Variants in MYH11 observed in about 807,000 individuals in gnomAD.
MYH11 encodes myosin heavy chain 11.
In MYH11, 80 loss-of-function variants were observed where a neutral mutation model predicts 246.6. That is an observed-to-expected ratio of 0.32 (90% CI 0.27 to 0.39). MYH11 has a LOEUF of 0.39. MYH11 is among the 10% of genes least tolerant of loss of function. The pLI, the probability that MYH11 is intolerant of heterozygous loss-of-function variation, is 1.00. For missense variants in MYH11, 2,158 were observed against 2,546.8 expected, an observed-to-expected ratio of 0.85 and a Z score of 3.29; for synonymous variants, 1,071 against 1,015.5, an observed-to-expected ratio of 1.05 and a Z score of -1.04.
At chr16:15,818,516 T>C (rs1201887487) in intron 3 of MYH11, among the ~76,000 whole-genome samples, 1 of 152,168 alleles carries the variant, frequency 6.6e-6, no homozygotes, top group Non-Finnish European at 1.5e-5. Flanking sequence ...CACTGCAAGC[T>C]CCGCCTCTTG....
At chr16:15,831,255 T>C (rs986210001) in intron 2 of MYH11, among the ~76,000 whole-genome samples, 4 of 152,106 alleles carry the variant, frequency 2.6e-5, no homozygotes, top group African/African-American at 9.7e-5. Flanking sequence ...GAAGGGGAAC[T>C]GGAAGGGCGA....
chr16:15,772,085 CTCT>C (rs2042114820), intron 8 of MYH11, among the ~76,000 whole-genome samples: 1 of 133,624 alleles, frequency 7.5e-6, no homozygotes, highest in African/African-American at 2.6e-5. Flanking sequence ...TCAACCTTTA[CTCT>C]TTTTTTTTTT....
At chr16:15,718,558 TGGAGAAGATTA>T in intron 36 of MYH11, 120 bp from the exon 37 acceptor site, 1 of 1,397,076 alleles carries the variant, frequency 7.2e-7, no homozygotes, top group African/African-American at 1.4e-5. Flanking sequence ...AACTGAGGCT[TGGAGAAGATTA>T]GAAGACTCAT....
At chr16:15,734,380 C>T (rs754046669) in intron 26 of MYH11, among the ~76,000 whole-genome samples, 7 of 152,098 alleles carry the variant, frequency 4.6e-5, no homozygotes, top group Non-Finnish European at 1.0e-4. Context: ...CTCACTGCAA[C>T]CTCTGCCTCC....
Position 15,714,940 on chromosome 16 carries a change from G to A in MYH11, c.5755C>T (p.Arg1919Cys), listed in dbSNP as rs750085824. 3.1e-6 allele frequency: 5 copies of A among 1,613,908 alleles called. No individual in the cohort carries two copies. The highest frequency in any genetic ancestry group is 1.6e-4 in the Middle Eastern group (1 of 6,068). ...EATESNEAMG[R>C]EVNALKSKLR... Reference sequence around the variant, plus strand: ...TTGCTCTTGAGTGCGTTCACCTCGCGGCCCATGGCCTCGTTGCTCTCCGTG... The same window carrying A: ...TTGCTCTTGAGTGCGTTCACCTCGCAGCCCATGGCCTCGTTGCTCTCCGTG... Residue 1919 changes from arginine (R) to cysteine (C), a missense_variant, in exon 40 of 41, where the codon CGC becomes TGC. Arg to Cys is a radical substitution (Grantham distance 180). Around this residue, in one of 11 missense-constraint regions of MYH11, gnomAD observed 1,013 missense variants for 993.5 expected, o/e 1.02. Coordinates refer to ENST00000300036, the MANE Select transcript of MYH11 (RefSeq NM_002474.3).
chr16:15,735,611 C>G, intron 25 of MYH11, 33 bp from the exon 26 acceptor site: 1 of 1,612,430 alleles, frequency 6.2e-7, no homozygotes, highest in South Asian at 1.1e-5. Context: ...AATGAACCCC[C>G]AGGTCCCTTG....
At chr16:15,754,351 TCAAA>T (rs1414808171) in intron 14 of MYH11, among the ~76,000 whole-genome samples, 1 of 152,182 alleles carries the variant, frequency 6.6e-6, no homozygotes, top group Non-Finnish European at 1.5e-5. Flanking sequence ...CATTCCTGAC[TCAAA>T]CAATGACAAT....
rs568465494 is a variant in MYH11, at chr16:15,829,619, T to C, written c.346-6208A>G. On this transcript the variant is annotated intron_variant, in intron 2 of 40. Transcript: ENST00000300036. Reference sequence around the variant, plus strand: ...CAGAGGTTTCAACATCCCAGCCTCCTGTGTCCCAGCCGGCATCTCATGGGC... The same window carrying C: ...CAGAGGTTTCAACATCCCAGCCTCCCGTGTCCCAGCCGGCATCTCATGGGC... Among the ~76,000 whole-genome samples the C allele has an allele frequency of 8.5e-5, 13 of 152,304 alleles. No homozygotes were observed. The East Asian group carries it at 2.5e-3, about 29-fold the overall frequency.
intron 40 of MYH11, among the ~76,000 whole-genome samples, chr16:15,710,652 T>G (rs1195405502): frequency 6.6e-6 from 1 of 151,404 alleles, no homozygotes; most frequent in Non-Finnish European, 1.5e-5. Flanking sequence ...GGGGGACTGG[T>G]TGCCAGCAGA....
At position 15,735,440 on chromosome 16, in the gene MYH11, G is replaced by C. The variant is rs145289672; in HGVS notation, c.3432C>G (p.Leu1144=). 1 of 1,614,028 alleles carries C rather than the reference G, an allele frequency of 6.2e-7. No individual in the cohort carries two copies. Among genetic ancestry groups the C allele is most frequent in the East Asian group, 2.2e-5 (1 of 44,872 alleles). ...RNKAEKQKRD[L]GEELEALKTE... Reference sequence around the variant, plus strand: ...TCTTTAGGGCCTCCAGCTCCTCGCCGAGGTCTCGCTTCTGCTTTTCAGCCT... The same window carrying C: ...TCTTTAGGGCCTCCAGCTCCTCGCCCAGGTCTCGCTTCTGCTTTTCAGCCT... The change falls in exon 26 of 41, where the codon CTC becomes CTG. Residue 1144 remains leucine (L), a synonymous_variant. Transcript: ENST00000300036.
chr16:15,851,533 A>T lies in MYH11; in HGVS notation c.-18+5408T>A, dbSNP rs1369712647. 4.6e-5 allele frequency among the ~76,000 whole-genome samples: 7 copies of T among 152,132 alleles called. 1 individual carries two copies. In the East Asian group the frequency reaches 1.4e-3, roughly 29 times the overall value. ...CTAATCCTAGTTTTCTGCTAAGAGTAAATGGACACCCGATTAATTCTTAGC... is the reference window on the plus strand; with the variant it reads ...CTAATCCTAGTTTTCTGCTAAGAGTTAATGGACACCCGATTAATTCTTAGC... On this transcript the variant is annotated intron_variant, in intron 1 of 40. Coordinates refer to ENST00000300036, the MANE Select transcript of MYH11 (RefSeq NM_002474.3).
intron 1 of MYH11, among the ~76,000 whole-genome samples, chr16:15,839,515 A>G (rs1420015435): frequency 6.6e-6 from 1 of 151,826 alleles, no homozygotes; most frequent in Non-Finnish European, 1.5e-5. Flanking sequence ...CAACATGGTG[A>G]GACCCCTGTC....
In MYH11 at chr16:15,724,320, C is replaced by T. The variant is rs1567699651; in HGVS notation, c.4206G>A (p.Glu1402=). The change falls in exon 31 of 41, where the codon GAG becomes GAA. Residue 1402 remains glutamate, a synonymous_variant. Coordinates refer to ENST00000300036, the MANE Select transcript of MYH11 (RefSeq NM_002474.3). The part of the protein sequence containing the change: ...EGKKRFQKEI[E]NLTQQYEEKA... ...TCTCCTCGTACTGCTGGGTGAGGTT[C>T]TCGATCTCCTTCTGGAACCTCTTCT... is the stretch of plus-strand genomic sequence containing the variant. 7 of 1,614,174 alleles carry T rather than the reference C, an allele frequency of 4.3e-6. No homozygotes were observed. Among genetic ancestry groups the T allele is most frequent in the Non-Finnish European group, 5.9e-6 (7 of 1,180,042 alleles).
intron 19 of MYH11, among the ~76,000 whole-genome samples, chr16:15,745,586 T>C (rs979432388): frequency 1.1e-3 from 147 of 128,330 alleles, no homozygotes; most frequent in Non-Finnish European, 1.6e-3. Context: ...TTCTTTCTTT[T>C]TTTTTTTTTT....
rs1457010223 is a variant in MYH11 at position 15,782,432 on chromosome 16, C to T, written c.679G>A (p.Ala227Thr). The part of the protein sequence containing the change: ...QLLQANPILE[A>T]FGNAKTVKND... ...TTCACTGTTTTGGCGTTGCCGAAAG[C>T]CTCCAGAATCGGGTTTGCTTGTAGA... Residue 227 changes from alanine (A) to threonine (T), a missense_variant, in exon 6 of 41, where the codon GCT becomes ACT. Transcript: ENST00000300036. The T allele has an allele frequency of 6.2e-7, 1 of 1,614,150 alleles. No homozygotes were observed. Among genetic ancestry groups the T allele is most frequent in the East Asian group, 2.2e-5 (1 of 44,882 alleles).
intron 3 of MYH11, among the ~76,000 whole-genome samples, chr16:15,806,523 G>A (rs2043018885): frequency 6.6e-6 from 1 of 152,146 alleles, no homozygotes; most frequent in African/African-American, 2.4e-5. Context: ...GCATAACCAT[G>A]TAAATTATGA....
At chr16:15,728,213 A>G (rs549172559) in intron 27 of MYH11, among the ~76,000 whole-genome samples, 3 of 152,308 alleles carry the variant, frequency 2.0e-5, no homozygotes, top group African/African-American at 7.2e-5. Context: ...TGGGTAACAG[A>G]GTGAGACTCC....
intron 26 of MYH11, among the ~76,000 whole-genome samples, chr16:15,733,904 T>C (rs902853867): frequency 1.3e-5 from 2 of 152,232 alleles, no homozygotes; most frequent in Non-Finnish European, 2.9e-5. Context: ...CTGTGCTCTA[T>C]GTGCATGTGA....
intron 28 of MYH11, chr16:15,725,598 C>G (rs944806352): frequency 2.5e-6 from 1 of 406,192 alleles, no homozygotes; most frequent in African/African-American, 2.1e-5. Context: ...CTTCCATTGA[C>G]AAGGAGGATA....
Sources: gnomAD v4.1 joint callset for allele counts (sites outside exome capture counted in the v4.1 genomes callset) on GRCh38, gnomAD v4.1.1 for gene constraint, gnomAD v4.1.1 regional missense constraint, MANE v1.5 for transcripts, NCBI Gene and HGNC (gene_info 2026-07-23, HGNC 2026-07-21) for gene names.